PTPDC1: variants seen among roughly 807,000 people sequenced by gnomAD.
The protein encoded by PTPDC1 is protein tyrosine phosphatase domain containing 1.
Under a neutral mutation model 75.3 loss-of-function variants are expected in PTPDC1, and 53 were observed. That is an observed-to-expected ratio of 0.70 (90% confidence interval 0.56 to 0.88). PTPDC1 has a LOEUF of 0.88. Among genes scored for constraint, PTPDC1 ranks in the 40% least tolerant of loss-of-function variants. The pLI, the probability that PTPDC1 is intolerant of heterozygous loss-of-function variation, is 0.00. For missense variants in PTPDC1, 925 were observed against 998.6 expected (o/e 0.93, Z 0.99); for synonymous variants, 349 against 366.2 (o/e 0.95, Z 0.54).
At chr9:94,052,261 A>G (rs1438689338) in intron 1 of PTPDC1, among the ~76,000 whole-genome samples, 2 of 152,108 alleles carry the variant, frequency 1.3e-5, no homozygotes, top group Non-Finnish European at 2.9e-5. Flanking sequence ...GTATTTTTCA[A>G]ATATTTCCAG....
chr9:94,067,595 A>G (rs893079106), intron 2 of PTPDC1, among the ~76,000 whole-genome samples: 24 of 152,094 alleles, frequency 1.6e-4, no homozygotes, highest in Non-Finnish European at 2.2e-4. Context: ...AAGTCAATAC[A>G]TTGTAATTGG....
At chr9:94,032,357 G>A (rs1402720305) in intron 1 of PTPDC1, among the ~76,000 whole-genome samples, 3 of 152,148 alleles carry the variant, frequency 2.0e-5, no homozygotes, top group Non-Finnish European at 1.5e-5. Flanking sequence ...GTGACCCAGG[G>A]ACCATTTTAA....
chr9:94,093,957 G>A (rs1042155747), intron 4 of PTPDC1, among the ~76,000 whole-genome samples: 3 of 151,652 alleles, frequency 2.0e-5, no homozygotes, highest in Non-Finnish European at 2.9e-5. Context: ...GCACTTCTCT[G>A]TATTGGTTAT....
chr9:94,051,075 G>A (rs1373844943), intron 1 of PTPDC1, among the ~76,000 whole-genome samples: 3 of 152,194 alleles, frequency 2.0e-5, no homozygotes, highest in Admixed American at 2.0e-4. Flanking sequence ...TGCCGAATTA[G>A]GGTGGGAGTG....
chr9:94,042,203 C>T (rs779928627), intron 1 of PTPDC1, among the ~76,000 whole-genome samples: 7 of 152,184 alleles, frequency 4.6e-5, no homozygotes, highest in Non-Finnish European at 8.8e-5. Context: ...TTAACCCATA[C>T]TTCCATAAAA....
chr9:94,059,859 T>A (rs1450309033), intron 1 of PTPDC1, among the ~76,000 whole-genome samples: 1 of 152,212 alleles, frequency 6.6e-6, no homozygotes, highest in Non-Finnish European at 1.5e-5. Flanking sequence ...GGACCAGCTT[T>A]ATTCTTTGAC....
chr9:94,063,060 CAA>C (rs1447939789), intron 1 of PTPDC1, among the ~76,000 whole-genome samples: 1 of 152,110 alleles, frequency 6.6e-6, no homozygotes, highest in African/African-American at 2.4e-5. Context: ...AGCTGAAGAG[CAA>C]AGAGTGAGGG....
intron 1 of PTPDC1, among the ~76,000 whole-genome samples, chr9:94,044,464 C>A (rs148509508): frequency 6.6e-6 from 1 of 152,150 alleles, no homozygotes; most frequent in Admixed American, 6.5e-5. Context: ...CCCCGACCCC[C>A]CAACAGGCCC....
intron 2 of PTPDC1, among the ~76,000 whole-genome samples, chr9:94,076,021 C>T (rs138029994): frequency 3.9e-4 from 59 of 151,992 alleles, no homozygotes; most frequent in East Asian, 1.7e-3. Context: ...TTTTTTGAGA[C>T]GGAGTTTCGC....
At chr9:94,079,580 T>C (rs1360420268), upstream of PTPDC1, among the ~76,000 whole-genome samples, 1 of 152,252 alleles carries the variant, frequency 6.6e-6, no homozygotes, top group Non-Finnish European at 1.5e-5. Flanking sequence ...GTTCAGCTTA[T>C]TGGTCTCATG....
chr9:94,040,257 G>T (rs1158296113), intron 1 of PTPDC1, among the ~76,000 whole-genome samples: 1 of 152,110 alleles, frequency 6.6e-6, no homozygotes, highest in African/African-American at 2.4e-5. Context: ...ATTCTGGTTT[G>T]GTCTGGCCAG....
At chr9:94,095,566 C>T in intron 5 of PTPDC1, 112 bp downstream of exon 5, 1 of 846,634 alleles carries the variant, frequency 1.2e-6, no homozygotes, top group Admixed American at 2.5e-5. Context: ...GCTTTGGAGT[C>T]AGGTGGAAGA....
intron 1 of PTPDC1, among the ~76,000 whole-genome samples, chr9:94,045,786 C>T (rs1040178782): frequency 3.4e-4 from 51 of 151,504 alleles, no homozygotes; most frequent in Middle Eastern, 3.4e-3. Flanking sequence ...TTCTCCCATT[C>T]TGTAGGTTGC....
chr9:94,061,693 T>C (rs1026791232), intron 1 of PTPDC1, among the ~76,000 whole-genome samples: 6 of 152,216 alleles, frequency 3.9e-5, no homozygotes, highest in Admixed American at 1.3e-4. Context: ...TGTCCTCAAC[T>C]GTACTTGGGC....
upstream of PTPDC1, among the ~76,000 whole-genome samples, chr9:94,080,988 CTTTTTCTTTTTTT>C (rs1262279430): frequency 3.9e-5 from 5 of 127,546 alleles, no homozygotes; most frequent in Non-Finnish European, 7.9e-5. Flanking sequence ...TTTTCTTTTT[CTTTTTCTTTTTTT>C]TTTTTTTTGA....
intron 4 of PTPDC1, among the ~76,000 whole-genome samples, chr9:94,092,396 G>A (rs1194366366): frequency 3.5e-5 from 5 of 144,108 alleles, no homozygotes; most frequent in African/African-American, 1.3e-4. Context: ...GAGTGGTTTT[G>A]AGTGAGATTC....
At chr9:94,058,159 A>G (rs1826004120) in intron 1 of PTPDC1, among the ~76,000 whole-genome samples, 1 of 152,100 alleles carries the variant, frequency 6.6e-6, no homozygotes, top group Admixed American at 6.5e-5. Context: ...AGTGTGGCCA[A>G]GGTGGCTAGA....
At chr9:94,104,194 C>T (rs1488028590) in intron 7 of PTPDC1, 81 bp from the exon 8 acceptor site, 1 of 865,454 alleles carries the variant, frequency 1.2e-6, no homozygotes, top group South Asian at 1.6e-5. Context: ...CAAACCAATT[C>T]TTGACTCTAC....
At chr9:94,063,710 G>A (rs1036509923) in intron 1 of PTPDC1, among the ~76,000 whole-genome samples, 2 of 152,156 alleles carry the variant, frequency 1.3e-5, no homozygotes, top group African/African-American at 4.8e-5. Context: ...TGAGATTTGA[G>A]AAGTGACTTT....
Sources: allele counts gnomAD v4.1 joint callset (sites outside exome capture counted in the v4.1 genomes callset), GRCh38; gene constraint gnomAD v4.1.1; transcripts MANE v1.5; gene names NCBI Gene and HGNC (gene_info 2026-07-23, HGNC 2026-07-21).